The following GPR89B variants were observed in gnomAD, a reference collection of about 807,000 sequenced individuals.
GPR89B encodes the protein golgi pH regulator B, also known as G protein-coupled receptor 89B.
GPR89B carries 25 observed loss-of-function variants against 52.4 expected under a neutral mutation model. The ratio of observed to expected loss-of-function variants is 0.48; its 90% CI spans 0.35 to 0.67. The LOEUF is 0.67. Ranked by LOEUF, GPR89B falls within the 30% of genes least tolerant of loss-of-function variation. The probability of loss-of-function intolerance (pLI) is 0.01; values close to 1 mark genes in which losing one functional copy is unlikely to be tolerated. For synonymous variants in GPR89B, 52 were observed against 151.2 expected (o/e 0.34, Z 4.81); for missense variants, 146 against 450.2 (o/e 0.32, Z 6.11).
the GPR89B span, among the ~76,000 whole-genome samples, chr1:148,005,990 G>A: frequency 0.044 from 6,707 of 151,962 alleles, 217 homozygotes; most frequent in African/African-American, 0.073. Context: ...AGAAAAACTC[G>A]AAATCCAATG....
At chr1:148,003,278 G>A in the GPR89B span, among the ~76,000 whole-genome samples, 5 of 152,176 alleles carry the variant, frequency 3.3e-5, no homozygotes, top group East Asian at 9.7e-4. Flanking sequence ...AGAACCTAGT[G>A]TTCTTCCTAT....
the GPR89B span, among the ~76,000 whole-genome samples, chr1:148,002,606 T>C: frequency 6.6e-6 from 1 of 152,138 alleles, no homozygotes; most frequent in South Asian, 2.1e-4. Context: ...GTAATTGAGA[T>C]GTGCAAAGCC....
At position 147,933,610 on chromosome 1, in the gene GPR89B, C is replaced by T. The variant is rs587761446; in HGVS notation, c.43-3017C>T. Among the ~76,000 whole-genome samples the T allele has an allele frequency of 1.9e-3, 293 of 151,744 alleles. 2 individuals are homozygous for T. Among genetic ancestry groups the T allele is most frequent in the African/African-American group, 6.7e-3 (279 of 41,392 alleles). On this transcript the variant is annotated intron_variant, in intron 1 of 13. Coordinates refer to ENST00000314163, the MANE Select transcript of GPR89B (RefSeq NM_016334.5). ...GCCCCCTTTCCTAAACCTCTTCTTTCTCCAGTATTCTTTATATAAATTGGG... is the reference window on the plus strand; with the variant it reads ...GCCCCCTTTCCTAAACCTCTTCTTTTTCCAGTATTCTTTATATAAATTGGG...
the GPR89B span, among the ~76,000 whole-genome samples, chr1:148,015,397 C>T: frequency 2.0e-5 from 3 of 148,278 alleles, no homozygotes; most frequent in African/African-American, 7.7e-5. Flanking sequence ...TCATTGCAAC[C>T]TCCGACTCCC....
chr1:148,014,280 A>T, the GPR89B span: 1 of 151,978 alleles, frequency 6.6e-6, no homozygotes, highest in Non-Finnish European at 1.5e-5. Context: ...TTCAGCGTGT[A>T]AAAGACAGAG....
At chr1:147,995,021 T>C (rs1160939135), downstream of GPR89B, among the ~76,000 whole-genome samples, 7,003 of 152,252 alleles carry the variant, frequency 0.046, 220 homozygotes, top group African/African-American at 0.08. Flanking sequence ...AATCCAAATA[T>C]ATAGAGAATA....
intron 3 of GPR89B, among the ~76,000 whole-genome samples, 200 bp downstream of exon 3, chr1:147,939,017 C>T (rs1654333666): frequency 7.7e-6 from 1 of 129,532 alleles, no homozygotes; most frequent in African/African-American, 3.0e-5. Flanking sequence ...TACCAGGAAA[C>T]AAAAGATCTG....
the GPR89B span, among the ~76,000 whole-genome samples, chr1:148,016,797 T>C: frequency 6.6e-6 from 1 of 151,332 alleles, no homozygotes; most frequent in Non-Finnish European, 1.5e-5. Flanking sequence ...CTCACATTAC[T>C]CATAAATTAG....
intron 5 of GPR89B, among the ~76,000 whole-genome samples, chr1:147,946,023 GC>G (rs1654945503): frequency 6.6e-6 from 1 of 151,792 alleles, no homozygotes; most frequent in Non-Finnish European, 1.5e-5. Context: ...ACCACACCCA[GC>G]CTCAAGTTTC....
intron 7 of GPR89B, among the ~76,000 whole-genome samples, chr1:147,966,290 C>CT (rs1657036932): frequency 3.3e-5 from 5 of 151,768 alleles, no homozygotes; most frequent in East Asian, 1.9e-4. Flanking sequence ...GATGAAAACT[C>CT]TAAGACCTCC....
chr1:148,002,786 C>T, the GPR89B span, among the ~76,000 whole-genome samples: 1 of 152,260 alleles, frequency 6.6e-6, no homozygotes, highest in Admixed American at 6.5e-5. Context: ...CATCATGTGC[C>T]AATTAAACTG....
chr1:147,992,459 A>G (rs1442998442), intron 12 of GPR89B, 43 bp from the exon 13 acceptor site: 8 of 1,603,550 alleles, frequency 5.0e-6, no homozygotes, highest in Non-Finnish European at 6.8e-6. Flanking sequence ...TGACACAGGA[A>G]TCTAACAGTA....
intron 11 of GPR89B, among the ~76,000 whole-genome samples, chr1:147,987,003 C>T (rs1446702717): frequency 6.6e-6 from 1 of 150,996 alleles, no homozygotes; most frequent in Admixed American, 6.6e-5. Flanking sequence ...TGCTGTCAAC[C>T]TAGACGCAGA....
At chr1:147,985,486 C>T (rs1658598810) in intron 10 of GPR89B, among the ~76,000 whole-genome samples, 1 of 151,892 alleles carries the variant, frequency 6.6e-6, no homozygotes, top group African/African-American at 2.4e-5. Context: ...CAAACCTAAC[C>T]ACTGCCTGCC....
At chr1:148,019,605 T>A in the GPR89B span, among the ~76,000 whole-genome samples, 1 of 151,682 alleles carries the variant, frequency 6.6e-6, no homozygotes, top group African/African-American at 2.4e-5. Context: ...ATAAAAAATG[T>A]AAAAAGGAAA....
intron 5 of GPR89B, among the ~76,000 whole-genome samples, chr1:147,949,819 C>T (rs1358620879): frequency 4.8e-5 from 7 of 146,218 alleles, no homozygotes; most frequent in African/African-American, 7.9e-5. Context: ...ACCTCCCTCC[C>T]GGACGGGGCA....
At chr1:147,940,250 A>C (rs1314599548) in intron 3 of GPR89B, among the ~76,000 whole-genome samples, 1 of 151,688 alleles carries the variant, frequency 6.6e-6, no homozygotes, top group Non-Finnish European at 1.5e-5. Context: ...AAAAATACAA[A>C]AAATTAGCTG....
the GPR89B span, among the ~76,000 whole-genome samples, chr1:148,020,076 G>C: frequency 6.6e-6 from 1 of 150,580 alleles, no homozygotes; most frequent in Admixed American, 6.6e-5. Context: ...AAGTACTGAT[G>C]TTCGTGTCAA....
chr1:148,009,711 C>A, the GPR89B span: 8 of 769,272 alleles, frequency 1.0e-5, no homozygotes, highest in African/African-American at 1.7e-5. Flanking sequence ...CCTTGACACC[C>A]AAGTAGAAGC....
Sources: gnomAD v4.1 joint callset for allele counts (sites outside exome capture counted in the v4.1 genomes callset) on GRCh38, gnomAD v4.1.1 for gene constraint, MANE v1.5 for transcripts, NCBI Gene and HGNC (gene_info 2026-07-23, HGNC 2026-07-21) for gene names.